The following TMEM38B variants were observed in gnomAD, a reference collection of about 807,000 sequenced individuals.
TMEM38B encodes the protein trimeric intracellular cation channel type B.
A neutral mutation model predicts 28.7 loss-of-function variants in TMEM38B; 24 were observed. The observed-to-expected ratio is 0.84, with a 90% CI of 0.61 to 1.18. TMEM38B has a LOEUF of 1.18. Among genes scored for constraint, TMEM38B ranks in the 50% most tolerant of loss-of-function variants. The pLI, the probability that TMEM38B is intolerant of heterozygous loss-of-function variation, is 0.00. For missense variants in TMEM38B, 380 were observed against 350.9 expected (o/e 1.08, Z -0.66); for synonymous variants, 131 against 127.7 (o/e 1.03, Z -0.17).
intron 2 of TMEM38B, among the ~76,000 whole-genome samples, chr9:105,717,667 A>G (rs1836157894): frequency 1.3e-5 from 2 of 152,186 alleles, no homozygotes; most frequent in Non-Finnish European, 2.9e-5. Flanking sequence ...TACATAAAAA[A>G]GCTAAGATTT....
intron 1 of TMEM38B, chr9:105,701,624 C>T (rs543638716): frequency 3.2e-4 from 48 of 152,314 alleles, no homozygotes; most frequent in African/African-American, 1.1e-3. Context: ...ATCCATCTGT[C>T]TTATATTTAG....
chr9:105,775,900 T>C lies in TMEM38B; in HGVS notation c.*1820T>C, dbSNP rs1378787338. 6.6e-6 allele frequency: 1 copy of C among 152,210 alleles called. No individual in the cohort carries two copies. The highest frequency in any genetic ancestry group is 1.5e-5 in the Non-Finnish European group (1 of 68,034). The allele number at this position is 152,210 out of a possible 1,614,324, so 9.4% of individuals were successfully genotyped here. On this transcript the variant is annotated 3_prime_UTR_variant, in exon 6 of 6. Transcript: ENST00000374692. ...ATCTAGTATTTTGACTAATATAGTA[T>C]ATATTCAGTGATTACTGTTCAAATG...
intron 5 of TMEM38B, chr9:105,758,516 T>G: frequency 7.9e-7 from 1 of 1,262,136 alleles, no homozygotes; most frequent in South Asian, 1.2e-5. Flanking sequence ...ACAGTTTTGG[T>G]CCTAAAGTTA....
At chr9:105,722,745 T>C (rs1836368408) in intron 4 of TMEM38B, 124 bp downstream of exon 4, 1 of 684,712 alleles carries the variant, frequency 1.5e-6, no homozygotes, top group East Asian at 2.8e-5. Flanking sequence ...TAAATAGTAA[T>C]GATAATGGGA....
chr9:105,760,133 G>A (rs1837986738), intron 5 of TMEM38B: 7 of 881,788 alleles, frequency 7.9e-6, no homozygotes, highest in Admixed American at 5.3e-5. Flanking sequence ...CAATTGTGTC[G>A]TTTGTTACTT....
At chr9:105,722,202 C>A (rs1021302904) in intron 3 of TMEM38B, among the ~76,000 whole-genome samples, 3 of 152,064 alleles carry the variant, frequency 2.0e-5, no homozygotes, top group Admixed American at 2.0e-4. Context: ...ATCTCTGTAA[C>A]CTCTTTTTAC....
At chr9:105,738,715 CTT>C (rs71489351) in intron 4 of TMEM38B, among the ~76,000 whole-genome samples, 340 of 109,626 alleles carry the variant, frequency 3.1e-3, no homozygotes, top group African/African-American at 0.012. Flanking sequence ...TAATTTTTTC[CTT>C]TTTTTTTTTT....
intron 5 of TMEM38B, among the ~76,000 whole-genome samples, chr9:105,764,887 T>C (rs1277984685): frequency 1.3e-5 from 2 of 151,844 alleles, no homozygotes; most frequent in East Asian, 1.9e-4. Context: ...AACAGAGATA[T>C]AGATCAATGG....
intron 5 of TMEM38B, chr9:105,758,574 G>A: frequency 2.7e-6 from 3 of 1,121,510 alleles, no homozygotes; most frequent in South Asian, 1.2e-5. Flanking sequence ...TAAGAATCAT[G>A]TAATTGAAGA....
chr9:105,732,750 C>G (rs1279818985), intron 4 of TMEM38B, among the ~76,000 whole-genome samples: 1 of 152,144 alleles, frequency 6.6e-6, no homozygotes, highest in South Asian at 2.1e-4. Context: ...CGTGATGCCT[C>G]CAGCTTTGTT....
At chr9:105,758,280 GT>G in intron 5 of TMEM38B, 1 of 688,542 alleles carries the variant, frequency 1.5e-6, no homozygotes, top group Non-Finnish European at 2.6e-6. Flanking sequence ...GCTCACAGAC[GT>G]TAAATCCTTC....
intron 5 of TMEM38B, among the ~76,000 whole-genome samples, chr9:105,770,733 T>C (rs557638764): frequency 2.0e-5 from 3 of 152,152 alleles, no homozygotes; most frequent in Non-Finnish European, 4.4e-5. Context: ...TGGAAGATAC[T>C]GATAAGGGCC....
chr9:105,703,940 G>A (rs1835551055), intron 1 of TMEM38B, among the ~76,000 whole-genome samples: 2 of 151,980 alleles, frequency 1.3e-5, no homozygotes, highest in African/African-American at 4.8e-5. Flanking sequence ...TGTAGATTCT[G>A]ATGAAACTGG....
chr9:105,741,669 A>G (rs1272443560), intron 4 of TMEM38B, among the ~76,000 whole-genome samples: 1 of 152,178 alleles, frequency 6.6e-6, no homozygotes, highest in Non-Finnish European at 1.5e-5. Context: ...TTGCTGAGGA[A>G]ATTTCCAAGC....
intron 2 of TMEM38B, among the ~76,000 whole-genome samples, chr9:105,720,006 G>C (rs544072214): frequency 1.1e-4 from 17 of 152,026 alleles, no homozygotes; most frequent in African/African-American, 4.1e-4. Context: ...GAACTATACA[G>C]ACTTTCAAAT....
At chr9:105,744,626 T>C (rs1208035406) in intron 4 of TMEM38B, among the ~76,000 whole-genome samples, 3 of 152,170 alleles carry the variant, frequency 2.0e-5, no homozygotes, top group Non-Finnish European at 4.4e-5. Flanking sequence ...AGGGTACATG[T>C]GCAGAACGTG....
intron 5 of TMEM38B, 31 bp from the exon 6 acceptor site, chr9:105,773,834 T>C: frequency 6.3e-7 from 1 of 1,581,518 alleles, no homozygotes. Context: ...TCATTTGTAT[T>C]TAAATTCAAA....
chr9:105,732,505 G>A (rs547574816), intron 4 of TMEM38B, among the ~76,000 whole-genome samples: 11 of 152,090 alleles, frequency 7.2e-5, no homozygotes, highest in Non-Finnish European at 1.3e-4. Flanking sequence ...AGGAAGGGAT[G>A]CAGTTTCTGT....
At chr9:105,713,670 G>A (rs576309116) in intron 2 of TMEM38B, among the ~76,000 whole-genome samples, 7 of 152,302 alleles carry the variant, frequency 4.6e-5, no homozygotes, top group African/African-American at 1.7e-4. Flanking sequence ...AAGGGGGCGG[G>A]TTCCCAGTGA....
Sources: allele counts gnomAD v4.1 joint callset (sites outside exome capture counted in the v4.1 genomes callset), GRCh38; gene constraint gnomAD v4.1.1; transcripts MANE v1.5; gene names NCBI Gene and HGNC (gene_info 2026-07-23, HGNC 2026-07-21).